SPESP1: variants seen among roughly 807,000 people sequenced by gnomAD.
SPESP1 encodes the protein equatorial segment protein.
SPESP1 carries 1 observed loss-of-function variant against 3.1 expected under a neutral mutation model. The ratio of observed to expected loss-of-function variants is 0.33; its 90% CI spans 0.12 to 1.54. The LOEUF (loss-of-function observed/expected upper bound fraction) is 1.54. Among genes scored for constraint, SPESP1 ranks in the 40% most tolerant of loss-of-function variants. The pLI is 0.38. For missense variants in SPESP1, 398 were observed against 410.1 expected, an observed-to-expected ratio of 0.97 and a Z score of 0.26; for synonymous variants, 138 against 150.7, an observed-to-expected ratio of 0.92 and a Z score of 0.62.
At chr15:68,932,143 G>C (rs1037523868) in intron 1 of SPESP1, among the ~76,000 whole-genome samples, 2 of 152,120 alleles carry the variant, frequency 1.3e-5, no homozygotes, top group Non-Finnish European at 2.9e-5. Flanking sequence ...ACATAATGAA[G>C]ATGCTACTAT....
chr15:68,945,503 A>G, intron 1 of SPESP1, 96 bp from the exon 2 acceptor site: 1 of 972,816 alleles, frequency 1.0e-6, no homozygotes, highest in Non-Finnish European at 1.4e-6. Flanking sequence ...TTTTTAAGTG[A>G]TAGCATATGA....
intron 1 of SPESP1, among the ~76,000 whole-genome samples, chr15:68,943,398 T>C (rs563200390): frequency 6.6e-6 from 1 of 152,262 alleles, no homozygotes; most frequent in African/African-American, 2.4e-5. Context: ...TTACATAAAA[T>C]GCAGAATTTA....
At chr15:68,937,223 C>T (rs1895703541) in intron 1 of SPESP1, among the ~76,000 whole-genome samples, 1 of 152,124 alleles carries the variant, frequency 6.6e-6, no homozygotes. Flanking sequence ...TACATACCTT[C>T]CAGCATTCTG....
At chr15:68,940,900 G>T (rs73431140) in intron 1 of SPESP1, among the ~76,000 whole-genome samples, 2 of 151,446 alleles carry the variant, frequency 1.3e-5, no homozygotes, top group Admixed American at 6.6e-5. Flanking sequence ...AATTATAAAC[G>T]GCTTCTTTAA....
intron 1 of SPESP1, among the ~76,000 whole-genome samples, chr15:68,932,695 C>T (rs1895580640): frequency 6.6e-6 from 1 of 152,128 alleles, no homozygotes; most frequent in African/African-American, 2.4e-5. Flanking sequence ...CCCAGCCAGC[C>T]TGTTGTCTTT....
chr15:68,939,557 G>A (rs1895765157), intron 1 of SPESP1, among the ~76,000 whole-genome samples: 1 of 152,182 alleles, frequency 6.6e-6, no homozygotes, highest in Admixed American at 6.5e-5. Flanking sequence ...AACTGAGAAG[G>A]TCAACATGAA....
chr15:68,940,681 A>G (rs1895797693), intron 1 of SPESP1, among the ~76,000 whole-genome samples: 1 of 147,614 alleles, frequency 6.8e-6, no homozygotes, highest in Admixed American at 6.8e-5. Flanking sequence ...GTAGTTTAAT[A>G]TTTCCCTTAT....
chr15:68,930,702 G>A lies in SPESP1; in HGVS notation c.49G>A (p.Val17Met), dbSNP rs1247702503. ...TGCGCTTTTGCTATGGCCTTCGTCT[G>A]TGCCGGCTTATCCGAGTGAGTGACG... Reference protein sequence around the residue: ...LVALLLWPSSVPAYPSITVTP... With the variant: ...LVALLLWPSSMPAYPSITVTP... Residue 17 changes from valine (V) to methionine (M), a missense_variant, in exon 1 of 2, where the codon GTG becomes ATG. Physicochemically the swap from Val to Met is conservative, Grantham distance 21. Transcript: ENST00000310673. 1 of 1,614,024 alleles carries A rather than the reference G, an allele frequency of 6.2e-7. No homozygotes were observed. Among genetic ancestry groups the A allele is most frequent in the African/African-American group, 1.3e-5 (1 of 75,058 alleles).
Position 68,946,618 on chromosome 15 carries a change from AT to A in SPESP1, c.*32del, listed in dbSNP as rs1222406127. 1.2e-5 allele frequency: 17 copies of A among 1,413,334 alleles called. No homozygotes were observed. Among genetic ancestry groups the A allele is most frequent in the Non-Finnish European group, 1.6e-5 (17 of 1,087,268 alleles). 87.5% of individuals were successfully genotyped at this position (1,413,334 alleles called of 1,614,324 possible). On this transcript the variant is annotated 3_prime_UTR_variant, in exon 2 of 2. Transcript: ENST00000310673. The stretch of plus-strand genomic sequence containing the variant: ...AATATAAAAATTTTAAACCTACTTG[AT>A]ATTCCATAACAAAGCTGATTTAAGC...
At chr15:68,937,551 T>C (rs996909511) in intron 1 of SPESP1, among the ~76,000 whole-genome samples, 1 of 151,984 alleles carries the variant, frequency 6.6e-6, no homozygotes, top group East Asian at 1.9e-4. Flanking sequence ...GTTTCTTACA[T>C]AGGCATACGT....
At chr15:68,934,295 G>C (rs1401756599) in intron 1 of SPESP1, among the ~76,000 whole-genome samples, 1 of 152,070 alleles carries the variant, frequency 6.6e-6, no homozygotes, top group Non-Finnish European at 1.5e-5. Flanking sequence ...AACCACAGAA[G>C]GTAAGGGAAA....
In SPESP1 at chr15:68,933,688, G is replaced by A. The variant is rs532200425; in HGVS notation, c.64+2971G>A. ...AGGCTGGGCAACATGGCGAAACCCC[G>A]TCTTTACAAAAAATACAAAAATTAG... On this transcript the variant is annotated intron_variant, in intron 1 of 1. Transcript: ENST00000310673. Among the ~76,000 whole-genome samples, 39 of 151,806 alleles carry A rather than the reference G, an allele frequency of 2.6e-4. 1 individual carries two copies. The highest frequency in any genetic ancestry group is 9.7e-4 in the East Asian group (5 of 5,154).
At chr15:68,935,739 G>C (rs1010360160) in intron 1 of SPESP1, among the ~76,000 whole-genome samples, 1 of 152,170 alleles carries the variant, frequency 6.6e-6, no homozygotes, top group African/African-American at 2.4e-5. Flanking sequence ...TTATTTACCT[G>C]TCAGCAAAAA....
chr15:68,944,017 G>A (rs1167245968), intron 1 of SPESP1, among the ~76,000 whole-genome samples: 1 of 152,066 alleles, frequency 6.6e-6, no homozygotes, highest in African/African-American at 2.4e-5. Flanking sequence ...TGAACAGAAA[G>A]TTTACTTTAT....
At chr15:68,935,251 G>A (rs553866454) in intron 1 of SPESP1, among the ~76,000 whole-genome samples, 1 of 152,186 alleles carries the variant, frequency 6.6e-6, no homozygotes, top group East Asian at 1.9e-4. Flanking sequence ...AATTTAATAA[G>A]GCTATTTTGG....
In SPESP1 at chr15:68,930,710, T is replaced by A; in HGVS notation, c.57T>A (p.Ala19=). The A allele has an allele frequency of 6.2e-7, 1 of 1,613,960 alleles. No homozygotes were observed. Among genetic ancestry groups the A allele is most frequent in the Non-Finnish European group, 8.5e-7 (1 of 1,179,862 alleles). The part of the protein sequence containing the change: ...ALLLWPSSVP[A]YPSITVTPDE... ...TGCTATGGCCTTCGTCTGTGCCGGC[T>A]TATCCGAGTGAGTGACGGGCCTGAG... The change falls in exon 1 of 2, where the codon GCT becomes GCA. Residue 19 remains alanine, a synonymous_variant. Coordinates refer to ENST00000310673, the MANE Select transcript of SPESP1 (RefSeq NM_145658.4).
rs370082486 is a variant in SPESP1, at chr15:68,945,938, C to T, written c.404C>T (p.Ala135Val). ...AACAATGTTTCCATTGTTTTGCATGCAGAGGAACCTTATATTGAAAATGAA... is the reference window on the plus strand; with the variant it reads ...AACAATGTTTCCATTGTTTTGCATGTAGAGGAACCTTATATTGAAAATGAA... Reference protein sequence around the residue: ...KPNNVSIVLHAEEPYIENEEP... With the variant: ...KPNNVSIVLHVEEPYIENEEP... Residue 135 changes from alanine to valine, a missense_variant, in exon 2 of 2, where the codon GCA becomes GTA. Ala to Val is a moderately conservative substitution (Grantham distance 64, BLOSUM62 0). Transcript: ENST00000310673. 4.3e-6 allele frequency: 7 copies of T among 1,614,010 alleles called. No individual in the cohort carries two copies. The highest frequency in any genetic ancestry group is 5.9e-6 in the Non-Finnish European group (7 of 1,180,034).
intron 1 of SPESP1, among the ~76,000 whole-genome samples, chr15:68,944,209 T>G (rs1895900601): frequency 6.6e-6 from 1 of 152,046 alleles, no homozygotes; most frequent in African/African-American, 2.4e-5. Flanking sequence ...TGAACAGAAT[T>G]CCAGAATATC....
intron 1 of SPESP1, among the ~76,000 whole-genome samples, chr15:68,940,819 C>T (rs963594356): frequency 3.4e-5 from 5 of 148,524 alleles, no homozygotes; most frequent in Non-Finnish European, 7.4e-5. Flanking sequence ...TCAAGAAATA[C>T]ATAACGTCGG....
Sources: allele counts gnomAD v4.1 joint callset (sites outside exome capture counted in the v4.1 genomes callset), GRCh38; gene constraint gnomAD v4.1.1; transcripts MANE v1.5; gene names NCBI Gene and HGNC (gene_info 2026-07-23, HGNC 2026-07-21).